The following KLHDC1 variants were observed in gnomAD, a reference collection of about 807,000 sequenced individuals.
KLHDC1 encodes kelch domain-containing protein 1.
KLHDC1 carries 53 observed loss-of-function variants against 68.3 expected under a neutral mutation model. The ratio of observed to expected loss-of-function variants is 0.78; its 90% CI spans 0.62 to 0.98. KLHDC1 has a LOEUF of 0.98. KLHDC1 is among the 50% of genes least tolerant of loss of function. The pLI is 0.00. For synonymous variants in KLHDC1, 148 were observed against 159.0 expected (o/e 0.93, Z 0.52); for missense variants, 470 against 492.3 (o/e 0.95, Z 0.43).
chr14:49,722,956 AGG>A (rs1888569014), intron 4 of KLHDC1, among the ~76,000 whole-genome samples: 1 of 151,780 alleles, frequency 6.6e-6, no homozygotes, highest in East Asian at 1.9e-4. Context: ...GCGTGGTGGC[AGG>A]CGCCTGTAAT....
At chr14:49,715,430 A>G (rs1442073771) in intron 4 of KLHDC1, among the ~76,000 whole-genome samples, 1 of 151,422 alleles carries the variant, frequency 6.6e-6, no homozygotes, top group East Asian at 1.9e-4. Flanking sequence ...CTACTTTATT[A>G]TATTAAGTAC....
intron 1 of KLHDC1, among the ~76,000 whole-genome samples, chr14:49,703,944 G>A (rs978097504): frequency 6.6e-6 from 1 of 152,128 alleles, no homozygotes; most frequent in Non-Finnish European, 1.5e-5. Context: ...ATTCACAAGG[G>A]CATGTACATT....
chr14:49,695,086 T>C (rs1594641906), intron 1 of KLHDC1, among the ~76,000 whole-genome samples: 1 of 151,028 alleles, frequency 6.6e-6, no homozygotes, highest in African/African-American at 2.4e-5. Context: ...TTTCACAAAA[T>C]ATTTCTCTGT....
intron 1 of KLHDC1, among the ~76,000 whole-genome samples, 169 bp downstream of exon 1, chr14:49,693,459 G>A (rs978316982): frequency 6.6e-6 from 1 of 151,844 alleles, no homozygotes; most frequent in Non-Finnish European, 1.5e-5. Flanking sequence ...CCGCGCCAGG[G>A]CTTGACGTCG....
chr14:49,712,056 G>A (rs976278073), intron 4 of KLHDC1, among the ~76,000 whole-genome samples: 13 of 149,088 alleles, frequency 8.7e-5, no homozygotes, highest in Non-Finnish European at 1.6e-4. Context: ...TAGCTGGGAC[G>A]ACAGGTGCAT....
At chr14:49,695,109 A>G (rs1309288166) in intron 1 of KLHDC1, among the ~76,000 whole-genome samples, 1 of 50,308 alleles carries the variant, frequency 2.0e-5, no homozygotes, top group Non-Finnish European at 4.5e-5. Context: ...CATGCAATGC[A>G]GTTTTGATGT....
rs1264362863 is a variant in KLHDC1 at position 49,713,833 on chromosome 14, TATATATATATATATA to T, written c.404+3453_404+3467del. On this transcript the variant is annotated intron_variant, in intron 4 of 12. Transcript: ENST00000359332. ...ATATATATATATATATATATATATA[TATATATATATATATA>T]TATTTTTTTTTTTTTTTTTCCTGAG... is the stretch of plus-strand genomic sequence containing the variant. Among the ~76,000 whole-genome samples, 72 of 15,534 alleles carry T rather than the reference TATATATATATATATA, an allele frequency of 4.6e-3. 5 individuals carry two copies. Among genetic ancestry groups the T allele is most frequent in the African/African-American group, 0.011 (40 of 3,728 alleles). 10.2% of individuals were successfully genotyped at this position (15,534 alleles called of 152,430 possible). A position where few individuals can be genotyped will look rare whatever the true frequency, so the allele number is the denominator to read the frequency against.
chr14:49,727,903 C>G (rs564060967), intron 6 of KLHDC1, among the ~76,000 whole-genome samples: 7 of 152,232 alleles, frequency 4.6e-5, no homozygotes, highest in Admixed American at 1.3e-4. Flanking sequence ...CAGGTTCTTT[C>G]AGAACTTGGA....
At chr14:49,730,381 C>T (rs1401158424) in intron 8 of KLHDC1, among the ~76,000 whole-genome samples, 1 of 151,904 alleles carries the variant, frequency 6.6e-6, no homozygotes, top group African/African-American at 2.4e-5. Flanking sequence ...ACCACCACGC[C>T]CAGCTAATTT....
chr14:49,733,180 G>A (rs929809173), intron 9 of KLHDC1, among the ~76,000 whole-genome samples: 4 of 152,142 alleles, frequency 2.6e-5, no homozygotes, highest in African/African-American at 9.7e-5. Flanking sequence ...TGGAAGAGCA[G>A]CCTTTCTTAG....
intron 4 of KLHDC1, among the ~76,000 whole-genome samples, chr14:49,719,172 G>T (rs933623358): frequency 1.3e-5 from 2 of 151,788 alleles, no homozygotes; most frequent in Non-Finnish European, 2.9e-5. Context: ...AGTTTAGTTT[G>T]TTCTTGTCTA....
intron 11 of KLHDC1, 55 bp downstream of exon 11, chr14:49,740,237 A>G (rs2139765327): frequency 1.0e-6 from 1 of 998,624 alleles, no homozygotes; most frequent in Non-Finnish European, 1.5e-6. Context: ...TATTCACACT[A>G]AATGGCTATT....
chr14:49,727,383 G>T (rs1415007019), intron 6 of KLHDC1, among the ~76,000 whole-genome samples: 1 of 152,208 alleles, frequency 6.6e-6, no homozygotes, highest in Non-Finnish European at 1.5e-5. Context: ...CTAGGAACAG[G>T]AGGCTATTGT....
chr14:49,738,059 C>T (rs1029863762), intron 10 of KLHDC1, among the ~76,000 whole-genome samples: 5 of 151,928 alleles, frequency 3.3e-5, no homozygotes, highest in African/African-American at 7.3e-5. Context: ...GATGGAGTCT[C>T]GCTCTGTCAT....
intron 8 of KLHDC1, among the ~76,000 whole-genome samples, chr14:49,732,314 A>G (rs1424832788): frequency 6.6e-6 from 1 of 152,112 alleles, no homozygotes; most frequent in African/African-American, 2.4e-5. Context: ...CTGGGACTAC[A>G]GGCGCATGCC....
At chr14:49,697,938 A>G (rs1341145288) in intron 1 of KLHDC1, among the ~76,000 whole-genome samples, 3 of 152,228 alleles carry the variant, frequency 2.0e-5, no homozygotes, top group African/African-American at 4.8e-5. Flanking sequence ...AGACGTGTAT[A>G]GGATTTCCAA....
intron 11 of KLHDC1, among the ~76,000 whole-genome samples, chr14:49,741,890 T>C (rs1006355112): frequency 2.6e-5 from 4 of 152,128 alleles, no homozygotes; most frequent in Non-Finnish European, 4.4e-5. Context: ...GGATGGGGTA[T>C]GGTGAGCCAG....
intron 10 of KLHDC1, among the ~76,000 whole-genome samples, chr14:49,736,769 G>T (rs1192787402): frequency 6.6e-6 from 1 of 152,140 alleles, no homozygotes; most frequent in African/African-American, 2.4e-5. Context: ...CAGCATCCCT[G>T]TCCTTTACCC....
Position 49,726,501 on chromosome 14 carries a change from T to A in KLHDC1, c.567+732T>A, listed in dbSNP as rs149595418. On this transcript the variant is annotated intron_variant, in intron 6 of 12. Coordinates refer to ENST00000359332, the MANE Select transcript of KLHDC1 (RefSeq NM_172193.3). ...TTAATGAGGTGCCATCGTCATTCTTTACCCACAAGTGTCATGCCCTGATTT... is the reference window on the plus strand; with the variant it reads ...TTAATGAGGTGCCATCGTCATTCTTAACCCACAAGTGTCATGCCCTGATTT... Among the ~76,000 whole-genome samples the A allele has an allele frequency of 2.5e-3, 380 of 152,352 alleles. 3 individuals are homozygous for A. Among genetic ancestry groups the A allele is most frequent in the African/African-American group, 8.9e-3 (372 of 41,582 alleles).
Sources: gnomAD v4.1 joint callset for allele counts (sites outside exome capture counted in the v4.1 genomes callset) on GRCh38, gnomAD v4.1.1 for gene constraint, MANE v1.5 for transcripts, NCBI Gene and HGNC (gene_info 2026-07-23, HGNC 2026-07-21) for gene names.